The following LOC122539214 variants were observed in gnomAD, a reference collection of about 807,000 sequenced individuals.
At chr19:52,673,322 T>C in the LOC122539214 span, among the ~76,000 whole-genome samples, 16 of 152,042 alleles carry the variant, frequency 1.1e-4, no homozygotes, top group Non-Finnish European at 1.9e-4. Flanking sequence ...CTGACCAACA[T>C]GGTATAACCC....
the LOC122539214 span, among the ~76,000 whole-genome samples, chr19:52,682,084 G>C: frequency 6.6e-6 from 1 of 152,058 alleles, no homozygotes. Flanking sequence ...CCGACCTCAT[G>C]ATTCACCCTC....
the LOC122539214 span, among the ~76,000 whole-genome samples, chr19:52,666,089 G>A: frequency 3.0e-4 from 46 of 151,480 alleles, no homozygotes; most frequent in East Asian, 7.8e-4. Context: ...GTGTGAACCC[G>A]GGAGGCGGAG....
At chr19:52,667,570 G>A in the LOC122539214 span, among the ~76,000 whole-genome samples, 122,437 of 152,170 alleles carry the variant, frequency 0.8, 49,985 homozygotes, top group African/African-American at 0.95. Context: ...TACCTACATT[G>A]AAAGATTAAA....
chr19:52,675,787 T>C, the LOC122539214 span, among the ~76,000 whole-genome samples: 2 of 152,170 alleles, frequency 1.3e-5, no homozygotes, highest in Non-Finnish European at 2.9e-5. Context: ...ATAATTCCAC[T>C]AGGATAGACC....
chr19:52,667,003 G>A, the LOC122539214 span, among the ~76,000 whole-genome samples: 18 of 152,316 alleles, frequency 1.2e-4, no homozygotes, highest in South Asian at 3.5e-3. Context: ...AATCAGGAAG[G>A]AGGCCACCTA....
the LOC122539214 span, among the ~76,000 whole-genome samples, chr19:52,671,812 G>A: frequency 2.0e-5 from 3 of 152,074 alleles, no homozygotes; most frequent in African/African-American, 7.3e-5. Flanking sequence ...AATAACAAAG[G>A]CTATAAAATA....
the LOC122539214 span, among the ~76,000 whole-genome samples, chr19:52,687,200 AC>A: frequency 6.8e-6 from 1 of 147,148 alleles, no homozygotes; most frequent in East Asian, 2.0e-4. Context: ...AAAAAAAAGT[AC>A]TATGTAGGCC....
chr19:52,664,662 C>G, the LOC122539214 span, among the ~76,000 whole-genome samples: 1 of 143,772 alleles, frequency 7.0e-6, no homozygotes, highest in African/African-American at 2.6e-5. Flanking sequence ...GGAGGTGAGC[C>G]GGGCCTGAGC....
the LOC122539214 span, among the ~76,000 whole-genome samples, chr19:52,659,249 G>A: frequency 5.3e-5 from 8 of 152,078 alleles, no homozygotes; most frequent in Admixed American, 2.6e-4. Context: ...GGAAAGCTGC[G>A]ATGGAAGCAT....
chr19:52,685,552 GGAAA>G, the LOC122539214 span, among the ~76,000 whole-genome samples: 1 of 152,014 alleles, frequency 6.6e-6, no homozygotes, highest in Non-Finnish European at 1.5e-5. Context: ...TTGAAAACAG[GGAAA>G]GAAAGTCAGC....
At chr19:52,660,813 C>A in the LOC122539214 span, 1 of 204,854 alleles carries the variant, frequency 4.9e-6, no homozygotes, top group Non-Finnish European at 1.1e-5. Context: ...TGGTGGCTTT[C>A]TCATGTAACA....
At chr19:52,680,904 G>A in the LOC122539214 span, among the ~76,000 whole-genome samples, 7 of 151,674 alleles carry the variant, frequency 4.6e-5, no homozygotes, top group Non-Finnish European at 7.4e-5. Flanking sequence ...GAGCCACCGC[G>A]CCCGGCCTCC....
chr19:52,680,713 C>T, the LOC122539214 span, among the ~76,000 whole-genome samples: 116 of 140,604 alleles, frequency 8.3e-4, 2 homozygotes, highest in East Asian at 3.7e-3. Flanking sequence ...CCCGGGTTCA[C>T]GCCATTCTCC....
At chr19:52,680,257 A>G in the LOC122539214 span, among the ~76,000 whole-genome samples, 1 of 152,146 alleles carries the variant, frequency 6.6e-6, no homozygotes, top group South Asian at 2.1e-4. Flanking sequence ...AAGATAGACA[A>G]GAGCAGATTT....
At chr19:52,668,603 C>T in the LOC122539214 span, among the ~76,000 whole-genome samples, 5 of 152,152 alleles carry the variant, frequency 3.3e-5, no homozygotes, top group Non-Finnish European at 4.4e-5. Context: ...TGACATGCCT[C>T]GTGCCAAATG....
the LOC122539214 span, among the ~76,000 whole-genome samples, chr19:52,689,373 C>G: frequency 6.7e-6 from 1 of 149,748 alleles, no homozygotes; most frequent in African/African-American, 2.5e-5. Context: ...GTTACATTCT[C>G]TCTTCCCTGT....
At chr19:52,671,580 C>A in the LOC122539214 span, among the ~76,000 whole-genome samples, 2 of 152,076 alleles carry the variant, frequency 1.3e-5, no homozygotes, top group Non-Finnish European at 2.9e-5. Context: ...CTAGCTGGAG[C>A]TGCAGGCCCT....
At chr19:52,673,939 C>G in the LOC122539214 span, among the ~76,000 whole-genome samples, 3 of 138,734 alleles carry the variant, frequency 2.2e-5, no homozygotes, top group Non-Finnish European at 4.5e-5. Flanking sequence ...TTGGTTGAAG[C>G]TGAGAGGTGG....
chr19:52,653,676 A>G, the LOC122539214 span, among the ~76,000 whole-genome samples: 373 of 152,312 alleles, frequency 2.4e-3, no homozygotes, highest in Non-Finnish European at 4.1e-3. Context: ...TATGAAGTCT[A>G]TGATGGCGTG....
Sources: gnomAD v4.1 joint callset for allele counts (sites outside exome capture counted in the v4.1 genomes callset) on GRCh38, gnomAD v4.1.1 for gene constraint, MANE v1.5 for transcripts.